UPRT: variants seen among roughly 807,000 people sequenced by gnomAD.
The protein encoded by UPRT is RP11-311P8.3.
Under a neutral mutation model 22.6 loss-of-function variants are expected in UPRT, and 5 were observed. That is an observed-to-expected ratio of 0.22 (90% CI 0.12 to 0.47). The LOEUF (loss-of-function observed/expected upper bound fraction) is 0.47. Ranked by LOEUF, UPRT falls within the 20% of genes least tolerant of loss-of-function variation. The pLI is 0.99. For missense variants in UPRT, 181 were observed against 239.9 expected (o/e 0.75, Z 1.62); for synonymous variants, 77 against 87.7 (o/e 0.88, Z 0.68).
intron 4 of UPRT, among the ~76,000 whole-genome samples, chrX:75,224,718 AG>A (rs1327848717): frequency 9.0e-6 from 1 of 111,731 alleles, no homozygotes; most frequent in Non-Finnish European, 1.9e-5. Flanking sequence ...GAACCCAGGC[AG>A]GCTCCTCCTA....
At position 75,281,014 on chromosome X, in the gene UPRT, A is replaced by T. The variant is rs1435476088; in HGVS notation, c.386+6374A>T. Reference sequence around the variant, plus strand: ...CCTTAGGTAAATTCCTAAGGATTTTATTTTTTTTGGCAGCTATTGTAGAGG... The same window carrying T: ...CCTTAGGTAAATTCCTAAGGATTTTTTTTTTTTTGGCAGCTATTGTAGAGG... On this transcript the variant is annotated intron_variant, in intron 1 of 6. Coordinates refer to ENST00000373383, the MANE Select transcript of UPRT (RefSeq NM_145052.4). Among the ~76,000 whole-genome samples the T allele has an allele frequency of 2.0e-4, 22 of 109,226 alleles. No individual in the cohort carries two copies. The Admixed American group carries it at 2.1e-3, about 11-fold the overall frequency. The allele number at this position is 109,226 out of a possible 115,157, so 94.8% of individuals were successfully genotyped here.
chrX:75,269,249 TAA>T (rs2082600317), upstream of UPRT, among the ~76,000 whole-genome samples: 1 of 111,526 alleles, frequency 9.0e-6, no homozygotes. Context: ...CTCAAGGAAA[TAA>T]GAGAGAACAC....
intron 4 of UPRT, among the ~76,000 whole-genome samples, chrX:75,181,747 A>C (rs2082271021): frequency 9.0e-6 from 1 of 111,426 alleles, no homozygotes; most frequent in African/African-American, 3.3e-5. Flanking sequence ...GCCTTTGGGG[A>C]GGGATTATGG....
chrX:75,241,616 T>A, intron 4 of UPRT, among the ~76,000 whole-genome samples: 1 of 111,672 alleles, frequency 9.0e-6, no homozygotes, highest in East Asian at 2.8e-4. Flanking sequence ...AAAAAGACAC[T>A]TACACAGGCA....
chrX:75,257,051 G>GA (rs1365834441), intron 4 of UPRT, among the ~76,000 whole-genome samples: 1 of 111,460 alleles, frequency 9.0e-6, no homozygotes, highest in Non-Finnish European at 1.9e-5. Context: ...CCCAAGCCAG[G>GA]AAAAAACATA....
chrX:75,157,486 A>AG (rs2082185546), intron 1 of UPRT, among the ~76,000 whole-genome samples: 1 of 112,157 alleles, frequency 8.9e-6, no homozygotes, highest in Non-Finnish European at 1.9e-5. Flanking sequence ...CAGGTTCAGG[A>AG]GTCTATGGAG....
chrX:75,180,695 G>GTTTTTTTTTTTTTTTTTTTTT (rs61040746), intron 4 of UPRT, among the ~76,000 whole-genome samples: 2 of 34,659 alleles, frequency 5.8e-5, no homozygotes, highest in African/African-American at 2.6e-4. Flanking sequence ...TTTTTTTTTT[G>GTTTTTTTTTTTTTTTTTTTTT]TTTTTTTTTT....
intron 4 of UPRT, among the ~76,000 whole-genome samples, chrX:75,173,412 T>C (rs967662824): frequency 9.0e-6 from 1 of 111,376 alleles, no homozygotes; most frequent in Non-Finnish European, 1.9e-5. Context: ...ATACAGAGTG[T>C]CGATTGGTAC....
upstream of UPRT, among the ~76,000 whole-genome samples, chrX:75,273,836 C>T (rs1394838276): frequency 8.9e-6 from 1 of 111,768 alleles, no homozygotes; most frequent in Non-Finnish European, 1.9e-5. Flanking sequence ...TGTATCATCA[C>T]CTGCCACCCC....
intron 1 of UPRT, among the ~76,000 whole-genome samples, chrX:75,288,583 T>A (rs917325572): frequency 1.8e-5 from 2 of 112,256 alleles, no homozygotes; most frequent in African/African-American, 6.5e-5. Context: ...AAATATATGA[T>A]CATCTCAACA....
At chrX:75,294,815 T>C (rs757617607) in intron 2 of UPRT, among the ~76,000 whole-genome samples, 21 of 112,080 alleles carry the variant, frequency 1.9e-4, no homozygotes, top group Non-Finnish European at 3.2e-4. Flanking sequence ...GCTGCTGTTT[T>C]GGTGTTTACT....
upstream of UPRT, among the ~76,000 whole-genome samples, chrX:75,273,007 G>T (rs183430503): frequency 8.9e-6 from 1 of 112,080 alleles, no homozygotes; most frequent in Admixed American, 9.4e-5. Context: ...AAAAAATAAT[G>T]AGATCATGTC....
At chrX:75,183,975 C>G (rs751618601) in intron 4 of UPRT, among the ~76,000 whole-genome samples, 1,248 of 111,864 alleles carry the variant, frequency 0.011, 20 homozygotes, top group African/African-American at 0.039. Context: ...TTGTAGGTTG[C>G]CTGTTCACTC....
chrX:75,228,198 C>A (rs1314376170), intron 4 of UPRT, among the ~76,000 whole-genome samples: 2 of 111,572 alleles, frequency 1.8e-5, no homozygotes, highest in African/African-American at 6.5e-5. Context: ...TTGAGACAGC[C>A]CTTCAAAGAT....
intron 4 of UPRT, among the ~76,000 whole-genome samples, chrX:75,217,144 CATT>C (rs1336959754): frequency 9.0e-6 from 1 of 111,543 alleles, no homozygotes; most frequent in Non-Finnish European, 1.9e-5. Flanking sequence ...ATTTTAGGGA[CATT>C]GTTGTAGTCA....
intron 4 of UPRT, among the ~76,000 whole-genome samples, chrX:75,264,653 T>C (rs2082581091): frequency 8.9e-6 from 1 of 111,739 alleles, no homozygotes; most frequent in Non-Finnish European, 1.9e-5. Context: ...AATTTTCCAG[T>C]CTGTGTCTTT....
At chrX:75,212,128 C>T (rs937999670) in intron 4 of UPRT, among the ~76,000 whole-genome samples, 1 of 112,108 alleles carries the variant, frequency 8.9e-6, no homozygotes, top group African/African-American at 3.2e-5. Flanking sequence ...TCACTTTGAT[C>T]AAGATCTGCA....
intron 4 of UPRT, among the ~76,000 whole-genome samples, chrX:75,244,913 A>T (rs1180422522): frequency 8.9e-6 from 1 of 111,746 alleles, no homozygotes; most frequent in Non-Finnish European, 1.9e-5. Flanking sequence ...ATAAACACAA[A>T]AATTGACAAA....
intron 4 of UPRT, among the ~76,000 whole-genome samples, chrX:75,177,221 G>A (rs772631362): frequency 5.7e-5 from 6 of 106,143 alleles, no homozygotes; most frequent in African/African-American, 1.4e-4. Context: ...GAATAGTTGC[G>A]CTCACTGACG....
Sources: gnomAD v4.1 joint callset for allele counts (sites outside exome capture counted in the v4.1 genomes callset) on GRCh38, gnomAD v4.1.1 for gene constraint, MANE v1.5 for transcripts, NCBI Gene and HGNC (gene_info 2026-07-23, HGNC 2026-07-21) for gene names.